The following PRKAA1 variants were observed in gnomAD, a reference collection of about 807,000 sequenced individuals.
The protein encoded by PRKAA1 is protein kinase AMP-activated catalytic subunit alpha 1.
A neutral mutation model predicts 56.9 loss-of-function variants in PRKAA1; 23 were observed. That is an observed-to-expected ratio of 0.40 (90% CI 0.29 to 0.57). The LOEUF is 0.57. PRKAA1 is among the 20% of genes least tolerant of loss of function. PRKAA1 has a pLI of 0.39. For synonymous variants in PRKAA1, 226 were observed against 227.0 expected (o/e 1.00, Z 0.04); for missense variants, 413 against 679.7 (o/e 0.61, Z 4.36).
At chr5:40,794,141 C>CTA (rs1196082653) in intron 1 of PRKAA1, among the ~76,000 whole-genome samples, 6 of 151,900 alleles carry the variant, frequency 3.9e-5, no homozygotes, top group Admixed American at 1.3e-4. Flanking sequence ...CACATGCACA[C>CTA]TAAAATCTAT....
At chr5:40,793,073 A>AC (rs1744782425) in intron 1 of PRKAA1, among the ~76,000 whole-genome samples, 1 of 152,066 alleles carries the variant, frequency 6.6e-6, no homozygotes. Flanking sequence ...ATCTCAAAAA[A>AC]AAAAAAAGAA....
At chr5:40,790,783 C>A (rs1361153420) in intron 1 of PRKAA1, among the ~76,000 whole-genome samples, 1 of 152,148 alleles carries the variant, frequency 6.6e-6, no homozygotes, top group Non-Finnish European at 1.5e-5. Flanking sequence ...CGTGATCTGC[C>A]CGCCTTAGCC....
intron 1 of PRKAA1, among the ~76,000 whole-genome samples, chr5:40,796,320 G>GAAAAGAA (rs544104119): frequency 6.7e-6 from 1 of 149,530 alleles, no homozygotes; most frequent in Non-Finnish European, 1.5e-5. Context: ...CCCATCTCGG[G>GAAAAGAA]AAAAGAAAAA....
Position 40,777,546 on chromosome 5 carries a change from C to T in PRKAA1, c.168G>A (p.Lys56=), listed in dbSNP as rs1374352621. The change falls in exon 2 of 9, where the codon AAG becomes AAA. Residue 56 remains lysine, a synonymous_variant. Transcript: ENST00000397128. ...TCCGAATCTTCTGTCGATTGAGTAT[C>T]TTCACAGCTACTTTATGCCCAGTCA... ...HELTGHKVAV[K]ILNRQKIRSL... The T allele has an allele frequency of 6.2e-7, 1 of 1,613,338 alleles. No individual in the cohort carries two copies. The highest frequency in any genetic ancestry group is 1.7e-5 in the Admixed American group (1 of 59,986).
intron 1 of PRKAA1, among the ~76,000 whole-genome samples, chr5:40,795,052 A>G (rs551217388): frequency 1.3e-5 from 2 of 150,964 alleles, no homozygotes; most frequent in South Asian, 4.2e-4. Context: ...AATACTACAC[A>G]GCCATAAAAA....
chr5:40,797,676 G>A (rs774064950), intron 1 of PRKAA1, among the ~76,000 whole-genome samples: 5 of 152,248 alleles, frequency 3.3e-5, no homozygotes, highest in African/African-American at 7.2e-5. Context: ...AGCCAAGGGA[G>A]CACAACCCGG....
Position 40,798,094 on chromosome 5 carries a change from C to A in PRKAA1, c.96G>T (p.Thr32=). The stretch of plus-strand genomic sequence containing the variant: ...CTTTGCCGAAGGTGCCGACCCCCAG[C>A]GTGTCACCCAGAATGTAGTGGCCGA... The part of the protein sequence containing the change: ...VKIGHYILGD[T]LGVGTFGKVK... Residue 32 remains threonine (T), a synonymous_variant, in exon 1 of 9, where the codon ACG becomes ACT. Coordinates refer to ENST00000397128, the MANE Select transcript of PRKAA1 (RefSeq NM_006251.6). 1.2e-6 allele frequency: 2 copies of A among 1,607,562 alleles called. No homozygotes were observed. Among genetic ancestry groups the A allele is most frequent in the Non-Finnish European group, 1.7e-6 (2 of 1,176,234 alleles).
At chr5:40,768,573 TC>T in intron 5 of PRKAA1, 1 of 1,020,512 alleles carries the variant, frequency 9.8e-7, no homozygotes, top group African/African-American at 1.7e-5. Flanking sequence ...AATTAGGTAC[TC>T]CTGCCTTACT....
At chr5:40,797,575 A>G (rs1744982441) in intron 1 of PRKAA1, among the ~76,000 whole-genome samples, 1 of 152,240 alleles carries the variant, frequency 6.6e-6, no homozygotes, top group South Asian at 2.1e-4. Context: ...CACTCGGGAA[A>G]CAGCAGGGGC....
intron 1 of PRKAA1, among the ~76,000 whole-genome samples, chr5:40,794,436 G>A (rs1744841497): frequency 6.6e-6 from 1 of 152,144 alleles, no homozygotes; most frequent in African/African-American, 2.4e-5. Flanking sequence ...CCCACTGTGT[G>A]GGTTGTCTGT....
At chr5:40,788,468 A>G (rs747781666) in intron 1 of PRKAA1, among the ~76,000 whole-genome samples, 5 of 152,208 alleles carry the variant, frequency 3.3e-5, no homozygotes, top group Admixed American at 3.3e-4. Flanking sequence ...TTTCTTGTAT[A>G]TGATCCCCTA....
chr5:40,795,943 A>G (rs3805486), intron 1 of PRKAA1, among the ~76,000 whole-genome samples: 24,391 of 152,248 alleles, frequency 0.16, 2,041 homozygotes, highest in East Asian at 0.25. Context: ...TGTCACAGCC[A>G]TATCACAGAT....
intron 1 of PRKAA1, among the ~76,000 whole-genome samples, chr5:40,783,409 C>G (rs1744342490): frequency 6.6e-6 from 1 of 152,000 alleles, no homozygotes; most frequent in Non-Finnish European, 1.5e-5. Context: ...AAAAGTTATT[C>G]CACTGTGATC....
intron 8 of PRKAA1, 83 bp from the exon 9 acceptor site, chr5:40,763,105 A>G (rs1743268734): frequency 7.0e-7 from 1 of 1,426,010 alleles, no homozygotes; most frequent in Admixed American, 1.8e-5. Flanking sequence ...TGCTTCTTTA[A>G]GTGGGGCTGC....
At chr5:40,767,821 G>T in intron 5 of PRKAA1, 131 bp from the exon 6 acceptor site, 2 of 717,070 alleles carry the variant, frequency 2.8e-6, no homozygotes, top group East Asian at 2.7e-5. Flanking sequence ...ACTACTACAT[G>T]TTACAACGTT....
chr5:40,761,468 A>G lies in PRKAA1; in HGVS notation c.*1310T>C, dbSNP rs1275948869. 6.6e-6 allele frequency: 1 copy of G among 152,202 alleles called. No individual in the cohort carries two copies. Among genetic ancestry groups the G allele is most frequent in the Non-Finnish European group, 1.5e-5 (1 of 68,008 alleles). The allele number at this position is 152,202 out of a possible 1,614,324, so 9.4% of individuals were successfully genotyped here. ...CATATATGCATATATATGCATAACT[A>G]GCTGTATCTATACATATATAGGTAT... On this transcript the variant is annotated 3_prime_UTR_variant, in exon 9 of 9. Coordinates refer to ENST00000397128, the MANE Select transcript of PRKAA1 (RefSeq NM_006251.6).
intron 1 of PRKAA1, among the ~76,000 whole-genome samples, chr5:40,789,668 T>G (rs1235684229): frequency 1.3e-5 from 2 of 152,182 alleles, no homozygotes; most frequent in Admixed American, 1.3e-4. Context: ...TATTGGTCAA[T>G]GGCTACATAA....
In PRKAA1 at chr5:40,770,592, ATT is replaced by A. The variant is rs1242769082; in HGVS notation, c.509-1091_509-1090del. Among the ~76,000 whole-genome samples, 634 of 143,258 alleles carry A rather than the reference ATT, an allele frequency of 4.4e-3. 7 individuals carry two copies. Among genetic ancestry groups the A allele is most frequent in the Middle Eastern group, 0.018 (5 of 280 alleles). The allele number at this position is 143,258 out of a possible 152,430, so 94.0% of individuals were successfully genotyped here. On this transcript the variant is annotated intron_variant, in intron 4 of 8. Coordinates refer to ENST00000397128, the MANE Select transcript of PRKAA1 (RefSeq NM_006251.6). Reference sequence around the variant, plus strand: ...TATATAGGAAATACAGAAAAAATAAATTCTTTTTTTTTTTTTTTTTTTTTGAG... The same window carrying A: ...TATATAGGAAATACAGAAAAAATAAACTTTTTTTTTTTTTTTTTTTTTGAG...
At chr5:40,785,786 A>G (rs916995359) in intron 1 of PRKAA1, among the ~76,000 whole-genome samples, 3 of 151,864 alleles carry the variant, frequency 2.0e-5, no homozygotes, top group Admixed American at 1.3e-4. Context: ...GGTGAGCCCT[A>G]TATCTAATGC....
Sources: allele counts gnomAD v4.1 joint callset (sites outside exome capture counted in the v4.1 genomes callset), GRCh38; gene constraint gnomAD v4.1.1; transcripts MANE v1.5; gene names NCBI Gene and HGNC (gene_info 2026-07-23, HGNC 2026-07-21).